The following TEK variants were observed in gnomAD, a reference collection of about 807,000 sequenced individuals.
The protein encoded by TEK is angiopoietin-1 receptor.
TEK carries 43 observed loss-of-function variants against 131.8 expected under a neutral mutation model. The observed-to-expected ratio is 0.33, with a 90% CI of 0.26 to 0.42. The LOEUF is 0.42. Ranked by LOEUF, TEK falls within the 10% of genes least tolerant of loss-of-function variation. The pLI is 1.00. For synonymous variants in TEK, 580 were observed against 491.6 expected (o/e 1.18, Z -2.38); for missense variants, 1,162 against 1,384.4 (o/e 0.84, Z 2.55).
chr9:27,140,192 T>A (rs1822670271), intron 1 of TEK, among the ~76,000 whole-genome samples: 2 of 152,014 alleles, frequency 1.3e-5, no homozygotes, highest in South Asian at 4.1e-4. Context: ...ATAAGTATAA[T>A]ATAAACAATG....
intron 21 of TEK, among the ~76,000 whole-genome samples, chr9:27,227,323 A>G (rs530292560): frequency 2.0e-5 from 3 of 152,208 alleles, no homozygotes; most frequent in African/African-American, 7.2e-5. Flanking sequence ...AGTGTTTCCC[A>G]AACTATGTTT....
intron 2 of TEK, among the ~76,000 whole-genome samples, chr9:27,159,148 G>C (rs1426558318): frequency 2.0e-5 from 3 of 152,300 alleles, no homozygotes; most frequent in Middle Eastern, 3.4e-3. Flanking sequence ...GGCTGGCCTT[G>C]GCTGGGGCAA....
chr9:27,160,026 T>G (rs1361142130), intron 2 of TEK, among the ~76,000 whole-genome samples: 12 of 145,386 alleles, frequency 8.3e-5, no homozygotes, highest in Non-Finnish European at 1.4e-4. Flanking sequence ...TTTTTTTTTT[T>G]TTTTTTTTTT....
intron 11 of TEK, among the ~76,000 whole-genome samples, chr9:27,194,532 A>T (rs1299502184): frequency 6.6e-6 from 1 of 152,228 alleles, no homozygotes; most frequent in East Asian, 1.9e-4. Context: ...CTGATATGTC[A>T]TCATGTTACT....
intron 8 of TEK, among the ~76,000 whole-genome samples, chr9:27,185,123 A>G (rs765230032): frequency 1.3e-5 from 2 of 151,924 alleles, no homozygotes; most frequent in African/African-American, 2.4e-5. Context: ...CCTCTCAAAC[A>G]CTTAGGAAGT....
At chr9:27,220,529 G>A (rs1197787923) in intron 21 of TEK, among the ~76,000 whole-genome samples, 1 of 152,180 alleles carries the variant, frequency 6.6e-6, no homozygotes, top group African/African-American at 2.4e-5. Context: ...GGCTGAATAG[G>A]AACAGCTCCA....
At position 27,209,225 on chromosome 9, in the gene TEK, C is replaced by T; in HGVS notation, c.2680C>T (p.His894Tyr). ...CATCAATCTCTTAGGAGCATGTGAA[C>T]ATCGAGGTAAGATGCTCTTTTCCTG... ...NIINLLGACE[H>Y]RGYLYLAIEY... The change falls in exon 16 of 23, where the codon CAT becomes TAT. Residue 894 changes from histidine to tyrosine, a missense_variant. His to Tyr is a moderately conservative substitution (Grantham distance 83). Coordinates refer to ENST00000380036, the MANE Select transcript of TEK (RefSeq NM_000459.5). 6 of 1,610,690 alleles carry T rather than the reference C, an allele frequency of 3.7e-6. No homozygotes were observed. The highest frequency in any genetic ancestry group is 5.1e-6 in the Non-Finnish European group (6 of 1,176,924).
chr9:27,219,884 C>G (rs143940612), intron 20 of TEK, among the ~76,000 whole-genome samples, 165 bp from the exon 21 acceptor site: 14 of 152,278 alleles, frequency 9.2e-5, no homozygotes, highest in African/African-American at 3.1e-4. Flanking sequence ...ATAGTGTAAG[C>G]CCAGCTTTGA....
chr9:27,125,865 A>G (rs1441666984), intron 1 of TEK, among the ~76,000 whole-genome samples: 4 of 152,082 alleles, frequency 2.6e-5, no homozygotes, highest in African/African-American at 7.2e-5. Context: ...CTCTCAACAC[A>G]TCTCATTTCT....
In TEK at chr9:27,190,755, A is replaced by G; in HGVS notation, c.1489+65A>G. 5.0e-6 allele frequency: 8 copies of G among 1,595,262 alleles called. No individual in the cohort carries two copies. In the South Asian group the frequency reaches 7.7e-5, roughly 15 times the overall value. On this transcript the variant is annotated intron_variant, in intron 10 of 22. Coordinates refer to ENST00000380036, the MANE Select transcript of TEK (RefSeq NM_000459.5). Reference sequence around the variant, plus strand: ...CACCAGGAGAATTATTTTTCTCCAAATCTAGAAATTCCCTTCTCCCTGCCT... The same window carrying G: ...CACCAGGAGAATTATTTTTCTCCAAGTCTAGAAATTCCCTTCTCCCTGCCT...
intron 1 of TEK, among the ~76,000 whole-genome samples, chr9:27,112,191 G>A (rs1017258140): frequency 7.2e-5 from 11 of 152,206 alleles, no homozygotes; most frequent in East Asian, 5.8e-4. Flanking sequence ...GAGCCACCAC[G>A]CCCGCCCTTG....
At chr9:27,220,293 T>G in intron 21 of TEK, 148 bp downstream of exon 21, 2 of 703,936 alleles carry the variant, frequency 2.8e-6, no homozygotes, top group Non-Finnish European at 5.2e-6. Context: ...TCCCCTTTTA[T>G]TCACCTAATA....
At chr9:27,181,953 G>A (rs1461612521) in intron 7 of TEK, among the ~76,000 whole-genome samples, 2 of 151,088 alleles carry the variant, frequency 1.3e-5, no homozygotes, top group African/African-American at 4.9e-5. Context: ...ATTGGGAGTG[G>A]GGGTGGGATG....
chr9:27,146,534 G>A (rs1250989832), intron 1 of TEK, among the ~76,000 whole-genome samples: 1 of 152,142 alleles, frequency 6.6e-6, no homozygotes, highest in Non-Finnish European at 1.5e-5. Flanking sequence ...ACAGTAGGTA[G>A]AAGATGATTT....
Position 27,157,923 on chromosome 9 carries a change from T to C in TEK, c.145T>C (p.Trp49Arg). 1 of 1,614,114 alleles carries C rather than the reference T, an allele frequency of 6.2e-7. No individual in the cohort carries two copies. Among genetic ancestry groups the C allele is most frequent in the Non-Finnish European group, 8.5e-7 (1 of 1,180,008 alleles). Residue 49 changes from tryptophan to arginine, a missense_variant, in exon 2 of 23, where the codon TGG (tryptophan) becomes CGG (arginine). Physicochemically the swap from Trp to Arg is moderately radical, Grantham distance 101. Around this residue, in one of 6 missense-constraint regions of TEK, gnomAD observed 436 missense variants for 539.1 expected, o/e 0.81. Coordinates refer to ENST00000380036, the MANE Select transcript of TEK (RefSeq NM_000459.5). ...ATCTCTCACCTGCATTGCCTCTGGG[T>C]GGCGCCCCCATGAGCCCATCACCAT... ...ETSLTCIASG[W>R]RPHEPITIGR...
chr9:27,114,806 T>G (rs680739), intron 1 of TEK, among the ~76,000 whole-genome samples: 1 of 152,034 alleles, frequency 6.6e-6, no homozygotes, highest in Admixed American at 6.5e-5. Flanking sequence ...AACCAGGGCC[T>G]TACTTAAGAT....
chr9:27,185,338 A>T (rs1824555753), intron 8 of TEK, 147 bp from the exon 9 acceptor site: 1 of 1,009,620 alleles, frequency 9.9e-7, no homozygotes, highest in East Asian at 2.5e-5. Flanking sequence ...CTTTGGAAAT[A>T]AGCCAATAAT....
At chr9:27,177,385 A>G (rs1247260217) in intron 6 of TEK, among the ~76,000 whole-genome samples, 2 of 152,004 alleles carry the variant, frequency 1.3e-5, no homozygotes, top group Admixed American at 6.6e-5. Context: ...TGTGGTTTTG[A>G]TTTTCATTTC....
chr9:27,189,624 G>C (rs1348475938), intron 9 of TEK, among the ~76,000 whole-genome samples: 1 of 152,176 alleles, frequency 6.6e-6, no homozygotes, highest in Admixed American at 6.6e-5. Flanking sequence ...GTGGTGGTCA[G>C]AGAAGGATCA....
Sources: allele counts gnomAD v4.1 joint callset (sites outside exome capture counted in the v4.1 genomes callset), GRCh38; gene constraint gnomAD v4.1.1; regional missense constraint gnomAD v4.1.1; transcripts MANE v1.5; gene names NCBI Gene and HGNC (gene_info 2026-07-23, HGNC 2026-07-21).